The following ZDHHC1 variants were observed in gnomAD, a reference collection of about 807,000 sequenced individuals.
ZDHHC1 encodes the protein palmitoyltransferase ZDHHC1.
ZDHHC1 carries 45 observed loss-of-function variants against 46.9 expected under a neutral mutation model. The ratio of observed to expected loss-of-function variants is 0.96; its 90% CI spans 0.76 to 1.23. The LOEUF (loss-of-function observed/expected upper bound fraction) is 1.23, where lower values mean the gene tolerates loss of function less well. Ranked by LOEUF, ZDHHC1 falls within the 50% of genes most tolerant of loss-of-function variation. The pLI is 0.00. For synonymous variants in ZDHHC1, 291 were observed against 286.0 expected (o/e 1.02, Z -0.18); for missense variants, 649 against 670.8 (o/e 0.97, Z 0.36).
intron 4 of ZDHHC1, among the ~76,000 whole-genome samples, chr16:67,399,974 C>A (rs186011140): frequency 5.4e-4 from 83 of 152,340 alleles, no homozygotes; most frequent in Non-Finnish European, 1.0e-3. Flanking sequence ...GAAGTGCAGG[C>A]TGCCATCCGC....
intron 4 of ZDHHC1, 77 bp from the exon 5 acceptor site, chr16:67,399,533 T>G: frequency 7.9e-7 from 1 of 1,268,650 alleles, no homozygotes; most frequent in Non-Finnish European, 1.1e-6. Context: ...GGTGGTTGAG[T>G]GGGGTCTGTG....
At chr16:67,413,688 C>T (rs2040786486) in intron 1 of ZDHHC1, among the ~76,000 whole-genome samples, 1 of 152,060 alleles carries the variant, frequency 6.6e-6, no homozygotes, top group Admixed American at 6.6e-5. Context: ...GCCTGTAATC[C>T]CAGAACTTTG....
At position 67,394,478 on chromosome 16, in the gene ZDHHC1, A is replaced by T; in HGVS notation, c.*132T>A. 1 of 727,802 alleles carries T rather than the reference A, an allele frequency of 1.4e-6. No individual in the cohort carries two copies. The highest frequency in any genetic ancestry group is 5.4e-4 in the Middle Eastern group (1 of 1,836). 45.1% of individuals were successfully genotyped at this position (727,802 alleles called of 1,614,324 possible). A position where few individuals can be genotyped will look rare whatever the true frequency, so the allele number is the denominator to read the frequency against. On this transcript the variant is annotated 3_prime_UTR_variant, in exon 12 of 12. Coordinates refer to ENST00000565726, the MANE Select transcript of ZDHHC1 (RefSeq NM_001323627.2). ...ACAGCCGGTGGGGCGGGTATTGCTG[A>T]GTCGTGGGGGAGGGAGGCCGATCCC...
At chr16:67,413,816 G>A (rs898167788) in intron 1 of ZDHHC1, among the ~76,000 whole-genome samples, 1 of 151,978 alleles carries the variant, frequency 6.6e-6, no homozygotes, top group African/African-American at 2.4e-5. Flanking sequence ...GTGGGTGCCT[G>A]TAATCCCAGC....
chr16:67,409,838 T>C (rs2040721474), intron 1 of ZDHHC1, among the ~76,000 whole-genome samples: 1 of 152,042 alleles, frequency 6.6e-6, no homozygotes, highest in African/African-American at 2.4e-5. Context: ...TAAACACAGA[T>C]GAGACCGGGT....
intron 8 of ZDHHC1, 139 bp downstream of exon 8, chr16:67,398,073 C>A: frequency 1.2e-6 from 1 of 829,568 alleles, no homozygotes; most frequent in Non-Finnish European, 1.9e-6. Flanking sequence ...CAGGCACACG[C>A]TCAGCACAAG....
At chr16:67,398,454 C>A in intron 7 of ZDHHC1, 119 bp downstream of exon 7, 4 of 1,513,326 alleles carry the variant, frequency 2.6e-6, no homozygotes, top group South Asian at 1.2e-5. Context: ...TGAGACCTGG[C>A]CACCATAGTG....
chr16:67,396,844 G>T (rs1362912886), intron 8 of ZDHHC1, among the ~76,000 whole-genome samples: 1 of 152,230 alleles, frequency 6.6e-6, no homozygotes, highest in Non-Finnish European at 1.5e-5. Context: ...GGGCTCCAGA[G>T]GGGGGAGCAG....
chr16:67,413,541 T>C (rs1204679185), intron 1 of ZDHHC1, among the ~76,000 whole-genome samples: 1 of 152,132 alleles, frequency 6.6e-6, no homozygotes, highest in Non-Finnish European at 1.5e-5. Flanking sequence ...ATCACACAAC[T>C]ACCAAAAATT....
intron 1 of ZDHHC1, among the ~76,000 whole-genome samples, chr16:67,414,495 C>T (rs2040801348): frequency 6.6e-6 from 1 of 152,202 alleles, no homozygotes; most frequent in Non-Finnish European, 1.5e-5. Flanking sequence ...CCTCCAGCAT[C>T]GCTCTCCTAC....
At chr16:67,407,703 T>G (rs1471778929) in intron 2 of ZDHHC1, 64 bp downstream of exon 2, 2 of 779,738 alleles carry the variant, frequency 2.6e-6, no homozygotes, top group East Asian at 4.9e-5. Context: ...GCAGCAAATG[T>G]GCTGGGTGGG....
At chr16:67,400,075 C>G (rs1270016309) in intron 4 of ZDHHC1, among the ~76,000 whole-genome samples, 2 of 152,226 alleles carry the variant, frequency 1.3e-5, no homozygotes, top group Non-Finnish European at 2.9e-5. Flanking sequence ...AACCCCTCCC[C>G]CAGAACAGGG....
chr16:67,414,681 C>T (rs1003054079), intron 1 of ZDHHC1, among the ~76,000 whole-genome samples: 1 of 152,232 alleles, frequency 6.6e-6, no homozygotes, highest in Admixed American at 6.5e-5. Flanking sequence ...ACTGGCCTCT[C>T]ACTTCCTCAT....
intron 1 of ZDHHC1, among the ~76,000 whole-genome samples, chr16:67,415,286 C>A (rs1272755678): frequency 6.6e-6 from 1 of 152,040 alleles, no homozygotes; most frequent in Non-Finnish European, 1.5e-5. Flanking sequence ...AGTAAGACCT[C>A]ATCTCTACCA....
At chr16:67,398,509 C>T (rs1305313563) in intron 7 of ZDHHC1, 64 bp downstream of exon 7, 66 of 1,545,772 alleles carry the variant, frequency 4.3e-5, no homozygotes, top group Non-Finnish European at 5.5e-5. Context: ...CACCGTCCAA[C>T]TGGGCACCTT....
At chr16:67,416,018 T>C (rs1430422653) in intron 1 of ZDHHC1, among the ~76,000 whole-genome samples, 153 bp downstream of exon 1, 8 of 151,980 alleles carry the variant, frequency 5.3e-5, no homozygotes, top group South Asian at 4.1e-4. Flanking sequence ...ACTTGATGCA[T>C]GCTAAAAGGA....
chr16:67,411,209 C>A (rs184562868), intron 1 of ZDHHC1, among the ~76,000 whole-genome samples: 1 of 152,244 alleles, frequency 6.6e-6, no homozygotes, highest in East Asian at 1.9e-4. Flanking sequence ...TGGATTCCTG[C>A]AAGCTACCTG....
At chr16:67,399,982 C>T (rs1347130239) in intron 4 of ZDHHC1, among the ~76,000 whole-genome samples, 4 of 152,202 alleles carry the variant, frequency 2.6e-5, no homozygotes, top group Non-Finnish European at 2.9e-5. Context: ...GGCTGCCATC[C>T]GCGTGAGCAT....
intron 3 of ZDHHC1, among the ~76,000 whole-genome samples, chr16:67,403,332 C>T (rs2040588412): frequency 6.6e-6 from 1 of 152,176 alleles, no homozygotes; most frequent in Admixed American, 6.5e-5. Flanking sequence ...AAAAACATGC[C>T]TATAGAAGGA....
Sources: allele counts gnomAD v4.1 joint callset (sites outside exome capture counted in the v4.1 genomes callset), GRCh38; gene constraint gnomAD v4.1.1; transcripts MANE v1.5; gene names NCBI Gene and HGNC (gene_info 2026-07-23, HGNC 2026-07-21).